Variants in TLK1 observed in about 807,000 individuals in gnomAD.
TLK1 encodes the protein tousled like kinase 1.
Under a neutral mutation model 105.3 loss-of-function variants are expected in TLK1, and 24 were observed. The observed-to-expected ratio is 0.23, with a 90% CI of 0.17 to 0.32. The LOEUF is 0.32. TLK1 is among the 10% of genes least tolerant of loss of function. The pLI is 1.00. For missense variants in TLK1, 558 were observed against 910.5 expected, an observed-to-expected ratio of 0.61 and a Z score of 4.98; for synonymous variants, 321 against 310.4, an observed-to-expected ratio of 1.03 and a Z score of -0.36.
intron 1 of TLK1, among the ~76,000 whole-genome samples, chr2:171,177,656 G>T (rs1558981656): frequency 1.3e-5 from 2 of 152,170 alleles, no homozygotes; most frequent in Non-Finnish European, 2.9e-5. Flanking sequence ...CAAAGTGATA[G>T]AAGTACAGCA....
At chr2:171,198,383 A>G (rs1693317037) in intron 1 of TLK1, among the ~76,000 whole-genome samples, 1 of 152,240 alleles carries the variant, frequency 6.6e-6, no homozygotes, top group African/African-American at 2.4e-5. Flanking sequence ...GTGGTTCAAC[A>G]TGGCCACTAT....
chr2:171,057,928 G>T (rs914875985), intron 5 of TLK1, among the ~76,000 whole-genome samples: 1 of 151,944 alleles, frequency 6.6e-6, no homozygotes, highest in Non-Finnish European at 1.5e-5. Flanking sequence ...TATCTTACAG[G>T]TTATTATAAA....
At chr2:171,019,251 C>T (rs927731394) in intron 12 of TLK1, among the ~76,000 whole-genome samples, 1 of 152,180 alleles carries the variant, frequency 6.6e-6, no homozygotes, top group Non-Finnish European at 1.5e-5. Flanking sequence ...ATTCCTTTGG[C>T]TCAAGTCTAT....
At chr2:171,128,638 T>C (rs181603802) in intron 1 of TLK1, among the ~76,000 whole-genome samples, 4 of 152,290 alleles carry the variant, frequency 2.6e-5, no homozygotes, top group Admixed American at 6.5e-5. Context: ...CTAATTTCTT[T>C]ATGCTAATAT....
At chr2:171,181,637 A>G (rs1692930544) in intron 1 of TLK1, among the ~76,000 whole-genome samples, 1 of 152,184 alleles carries the variant, frequency 6.6e-6, no homozygotes, top group South Asian at 2.1e-4. Context: ...GTGGCAAGAA[A>G]GGAAGCAAGG....
intron 5 of TLK1, among the ~76,000 whole-genome samples, chr2:171,057,499 A>G (rs1047987214): frequency 2.6e-5 from 4 of 152,094 alleles, no homozygotes; most frequent in Admixed American, 1.3e-4. Context: ...TCAACCAAAG[A>G]GCATCAGGTA....
chr2:171,043,017 T>C (rs1002600808), intron 11 of TLK1, among the ~76,000 whole-genome samples: 2 of 151,280 alleles, frequency 1.3e-5, no homozygotes, highest in African/African-American at 4.9e-5. Flanking sequence ...AATAGTAATC[T>C]AGGTTAAAAA....
intron 2 of TLK1, among the ~76,000 whole-genome samples, chr2:171,106,899 T>C (rs948823944): frequency 6.6e-5 from 10 of 152,196 alleles, no homozygotes; most frequent in African/African-American, 2.4e-4. Context: ...TCATCCAACA[T>C]ATACCTGTAC....
rs372329851 is a variant in TLK1, at chr2:170,997,766, C to T, written c.1962G>A (p.Lys654=). 4 of 1,609,870 alleles carry T rather than the reference C, an allele frequency of 2.5e-6. No individual in the cohort carries two copies. The highest frequency in any genetic ancestry group is 1.7e-5 in the Admixed American group (1 of 59,936). Residue 654 remains lysine (K), a synonymous_variant, in exon 19 of 21, where the codon AAG becomes AAA. Transcript: ENST00000431350. ...TGACTCCAACCGACCATACATCAAC[C>T]TTGTTGGAAATCTTTGGTGGCTCTT... ...VGKEPPKISN[K]VDVWSVGVIF...
intron 1 of TLK1, among the ~76,000 whole-genome samples, chr2:171,156,825 GAACT>G (rs1436929083): frequency 3.3e-5 from 5 of 152,090 alleles, no homozygotes; most frequent in African/African-American, 1.2e-4. Context: ...CAGTTTAATC[GAACT>G]ATCATGCCAT....
chr2:171,079,108 G>A (rs781323004), intron 3 of TLK1, among the ~76,000 whole-genome samples: 17 of 152,222 alleles, frequency 1.1e-4, no homozygotes, highest in Non-Finnish European at 2.1e-4. Flanking sequence ...GATCTAAAGA[G>A]CAGTAGTGGC....
At chr2:171,168,081 C>T (rs1250387363) in intron 1 of TLK1, among the ~76,000 whole-genome samples, 2 of 151,854 alleles carry the variant, frequency 1.3e-5, no homozygotes, top group African/African-American at 4.8e-5. Context: ...CAAAATCTTA[C>T]CCTGGACATT....
At chr2:171,179,139 T>G (rs1692883607) in intron 1 of TLK1, among the ~76,000 whole-genome samples, 1 of 152,184 alleles carries the variant, frequency 6.6e-6, no homozygotes, top group Non-Finnish European at 1.5e-5. Context: ...TATAGGGAAA[T>G]TGGCAATGCT....
At chr2:171,231,284 T>TC (rs1693990702) in exon 1 of TLK1, 1 of 152,312 alleles carries the variant, frequency 6.6e-6, no homozygotes, top group Non-Finnish European at 1.5e-5. Flanking sequence ...TCCTTGGCAT[T>TC]CCTCAGTGTG....
chr2:171,006,693 C>A, intron 16 of TLK1, 50 bp from the exon 17 acceptor site: 1 of 1,603,980 alleles, frequency 6.2e-7, no homozygotes, highest in South Asian at 1.1e-5. Context: ...TCCAAGAATT[C>A]AGAATCACAA....
At chr2:171,188,138 A>G (rs1693071616) in intron 1 of TLK1, among the ~76,000 whole-genome samples, 1 of 152,238 alleles carries the variant, frequency 6.6e-6, no homozygotes, top group Admixed American at 6.5e-5. Context: ...ATCTAGGTGA[A>G]GAATACCTGG....
intron 8 of TLK1, among the ~76,000 whole-genome samples, chr2:171,053,207 A>G (rs1165171656): frequency 6.6e-6 from 1 of 152,222 alleles, no homozygotes; most frequent in Non-Finnish European, 1.5e-5. Flanking sequence ...TATTTGTGTT[A>G]TGGTAGTTGG....
chr2:171,002,239 A>G (rs987063587), intron 18 of TLK1, among the ~76,000 whole-genome samples: 1 of 152,108 alleles, frequency 6.6e-6, no homozygotes, highest in South Asian at 2.1e-4. Context: ...CTTTTGCTTT[A>G]AAATGGTCAT....
In TLK1 at chr2:171,117,873, A is replaced by T. The variant is rs73976282; in HGVS notation, c.140-16T>A. 2,524 of 1,549,320 alleles carry T rather than the reference A, an allele frequency of 1.6e-3. 17 individuals carry two copies. Among genetic ancestry groups the T allele is most frequent in the African/African-American group, 0.015 (1,115 of 73,166 alleles). ...TCCATTGCACCTATTAAGAAAAAAAAATATATATGTACACATATATATGTG... is the reference window on the plus strand; with the variant it reads ...TCCATTGCACCTATTAAGAAAAAAATATATATATGTACACATATATATGTG... On this transcript the variant is annotated splice_polypyrimidine_tract_variant and intron_variant, in intron 1 of 20. Transcript: ENST00000431350.
Sources: gnomAD v4.1 joint callset for allele counts (sites outside exome capture counted in the v4.1 genomes callset) on GRCh38, gnomAD v4.1.1 for gene constraint, MANE v1.5 for transcripts, NCBI Gene and HGNC (gene_info 2026-07-23, HGNC 2026-07-21) for gene names.